The following FAM20C variants were observed in gnomAD, a reference collection of about 807,000 sequenced individuals.
FAM20C encodes the protein extracellular serine/threonine protein kinase FAM20C.
In FAM20C, 40 loss-of-function variants were observed where a neutral mutation model predicts 51.5. The ratio of observed to expected loss-of-function variants is 0.78; its 90% CI spans 0.60 to 1.01. The LOEUF (loss-of-function observed/expected upper bound fraction) is 1.01, where lower values mean the gene tolerates loss of function less well. FAM20C is among the 50% of genes least tolerant of loss of function. FAM20C has a pLI of 0.00. For synonymous variants in FAM20C, 406 were observed against 380.6 expected (o/e 1.07, Z -0.78); for missense variants, 861 against 844.7 (o/e 1.02, Z -0.24).
chr7:215,071 C>T (rs1434188282), intron 3 of FAM20C, among the ~76,000 whole-genome samples: 5 of 152,006 alleles, frequency 3.3e-5, no homozygotes, highest in Non-Finnish European at 5.9e-5. Flanking sequence ...CTATGCTCCA[C>T]GGGAGACAGG....
intron 2 of FAM20C, among the ~76,000 whole-genome samples, chr7:208,006 G>A (rs551075738): frequency 6.6e-5 from 10 of 152,350 alleles, no homozygotes; most frequent in East Asian, 3.9e-4. Context: ...CTTGCGGAGC[G>A]GCGGGAGCTG....
At position 255,952 on chromosome 7, in the gene FAM20C, G is replaced by GC; in HGVS notation, c.1179dup (p.Asp394ArgfsTer31). On this transcript the variant is annotated frameshift_variant, in exon 6 of 10. Coordinates refer to ENST00000313766, the MANE Select transcript of FAM20C (RefSeq NM_020223.4). LOFTEE classifies it high-confidence loss of function. ...TCGAGGGCTCGCTGGCGGCCTTCCT[G>GC]CCCGACCTGTCCCTGGCCAAGAGGA... 6.5e-7 allele frequency: 1 copy of GC among 1,536,242 alleles called. No homozygotes were observed. Among genetic ancestry groups the GC allele is most frequent in the Non-Finnish European group, 8.7e-7 (1 of 1,146,842 alleles).
intron 2 of FAM20C, among the ~76,000 whole-genome samples, chr7:208,109 G>A (rs1786521951): frequency 6.6e-6 from 1 of 152,206 alleles, no homozygotes; most frequent in South Asian, 2.1e-4. Flanking sequence ...GGCGGGAGGT[G>A]CCACTCCCCG....
At chr7:204,794 T>G (rs1191566155) in intron 2 of FAM20C, among the ~76,000 whole-genome samples, 1 of 152,136 alleles carries the variant, frequency 6.6e-6, no homozygotes, top group Admixed American at 6.5e-5. Flanking sequence ...AATGTGGCAC[T>G]CGTGTGGCCT....
chr7:201,185 C>A (rs2115050837), intron 2 of FAM20C, among the ~76,000 whole-genome samples: 1 of 152,312 alleles, frequency 6.6e-6, no homozygotes, highest in Middle Eastern at 3.4e-3. Context: ...AATAACTGAC[C>A]CTTGAGGCCA....
chr7:232,450 A>G (rs1787730376), intron 3 of FAM20C, among the ~76,000 whole-genome samples: 1 of 152,200 alleles, frequency 6.6e-6, no homozygotes, highest in African/African-American at 2.4e-5. Flanking sequence ...TGCACTGGCC[A>G]TCTCCGTGAC....
chr7:205,156 C>G (rs113557362), intron 2 of FAM20C, among the ~76,000 whole-genome samples: 45 of 152,308 alleles, frequency 3.0e-4, no homozygotes, highest in African/African-American at 1.0e-3. Context: ...CCATTGTTTT[C>G]TAGAAACAGG....
chr7:258,709 C>G lies in FAM20C; in HGVS notation c.1505+4C>G, dbSNP rs373089642. The G allele has an allele frequency of 6.5e-7, 1 of 1,534,510 alleles. No homozygotes were observed. The highest frequency in any genetic ancestry group is 2.4e-5 in the East Asian group (1 of 40,894). ...TGCCGCTACAGCAGTGCTGCAGGTA[C>G]AGCCCCTGCCGGAGCCGGCTCCAGC... On this transcript the variant is annotated splice_donor_region_variant and intron_variant, in intron 9 of 9. Transcript: ENST00000313766.
At chr7:216,669 C>G (rs924434268) in intron 3 of FAM20C, among the ~76,000 whole-genome samples, 3 of 112,390 alleles carry the variant, frequency 2.7e-5, no homozygotes, top group Non-Finnish European at 5.6e-5. Flanking sequence ...GTGTGAGAGA[C>G]AGAGTGTGTG....
In FAM20C at chr7:193,289, GC is replaced by G; in HGVS notation, c.93del (p.Arg32GlyfsTer98). 1 of 1,427,476 alleles carries G rather than the reference GC, an allele frequency of 7.0e-7. No individual in the cohort carries two copies. The highest frequency in any genetic ancestry group is 3.3e-5 in the East Asian group (1 of 30,584). The allele number at this position is 1,427,476 out of a possible 1,614,324, so 88.4% of individuals were successfully genotyped here. ...CALHIALDLL[P>X]RLERRGARPS... ...CGCTGCACATCGCCCTGGACCTGCT[GC>G]CCAGGCTGGAGCGACGCGGCGCGCG... On this transcript the variant is annotated frameshift_variant, in exon 1 of 10. Transcript: ENST00000313766. LOFTEE classifies it high-confidence loss of function.
intron 3 of FAM20C, among the ~76,000 whole-genome samples, chr7:245,030 G>C (rs896706142): frequency 6.6e-6 from 1 of 152,222 alleles, no homozygotes; most frequent in Non-Finnish European, 1.5e-5. Context: ...AAGGGACGTG[G>C]ACATGACATA....
intron 3 of FAM20C, chr7:245,850 A>AGGG (rs1254463276): frequency 2.6e-5 from 4 of 152,552 alleles, no homozygotes; most frequent in African/African-American, 9.6e-5. Context: ...GTGGAGGGAC[A>AGGG]GGGCGGTGCC....
intron 3 of FAM20C, among the ~76,000 whole-genome samples, chr7:220,437 T>C (rs551560547): frequency 8.6e-5 from 13 of 151,850 alleles, no homozygotes; most frequent in Non-Finnish European, 1.8e-4. Flanking sequence ...CGTGAACAAA[T>C]ACGCAGGAAC....
intron 2 of FAM20C, among the ~76,000 whole-genome samples, chr7:200,590 T>C (rs1786083917): frequency 6.6e-6 from 1 of 152,212 alleles, no homozygotes; most frequent in African/African-American, 2.4e-5. Context: ...CCTGCCGACT[T>C]TCCTTCTGAT....
intron 2 of FAM20C, among the ~76,000 whole-genome samples, chr7:205,073 A>C (rs558248288): frequency 1.3e-5 from 2 of 152,330 alleles, no homozygotes; most frequent in South Asian, 4.1e-4. Flanking sequence ...AGTTTCTGGC[A>C]GGTCACATGA....
At chr7:258,213 A>C (rs867591742) in intron 8 of FAM20C, among the ~76,000 whole-genome samples, 381 of 37,824 alleles carry the variant, frequency 0.01, 2 homozygotes, top group African/African-American at 0.02. Flanking sequence ...GGACCCACTG[A>C]CTGGGGTGCT....
At position 202,706 on chromosome 7, in the gene FAM20C, G is replaced by C. The variant is rs141730953; in HGVS notation, c.785-6192G>C. ...ATCTTCCCGTGTGCATAGCGAGGAC[G>C]GGTGGCTGCTGGGTGGGATTGTACT... is the stretch of plus-strand genomic sequence containing the variant. On this transcript the variant is annotated intron_variant, in intron 2 of 9. Coordinates refer to ENST00000313766, the MANE Select transcript of FAM20C (RefSeq NM_020223.4). 9.4e-3 allele frequency among the ~76,000 whole-genome samples: 1,405 copies of C among 149,428 alleles called. 8 individuals carry two copies. Among genetic ancestry groups the C allele is most frequent in the Non-Finnish European group, 0.016 (1,084 of 67,006 alleles).
Position 193,440 on chromosome 7 carries a change from G to A in FAM20C, c.241G>A (p.Gly81Ser). 2 of 1,443,772 alleles carry A rather than the reference G, an allele frequency of 1.4e-6. No homozygotes were observed. The highest frequency in any genetic ancestry group is 1.8e-6 in the Non-Finnish European group (2 of 1,089,290). 89.4% of individuals were successfully genotyped at this position (1,443,772 alleles called of 1,614,324 possible). A position where few individuals can be genotyped will look rare whatever the true frequency, so the allele number is the denominator to read the frequency against. The change falls in exon 1 of 10, where the codon GGC becomes AGC. Residue 81 changes from glycine to serine, a missense_variant. By Grantham distance (56) the Gly-to-Ser change is moderately conservative. Around this residue, in one of 3 missense-constraint regions of FAM20C, gnomAD observed 561 missense variants for 499.8 expected, o/e 1.12. Transcript: ENST00000313766. ...PAASSAAGDA[G>S]WPNKHTLRIL... ...CGCCTCCTCCGCCGCCGGCGACGCG[G>A]GCTGGCCCAACAAGCACACGCTCCG...
intron 9 of FAM20C, 108 bp downstream of exon 9, chr7:258,813 G>C (rs376140486): frequency 1.8e-6 from 2 of 1,107,078 alleles, no homozygotes; most frequent in Non-Finnish European, 2.5e-6. Context: ...ACATGGGAGA[G>C]AAAAGGCCCC....
Sources: allele counts gnomAD v4.1 joint callset (sites outside exome capture counted in the v4.1 genomes callset), GRCh38; gene constraint gnomAD v4.1.1; regional missense constraint gnomAD v4.1.1; transcripts MANE v1.5; gene names NCBI Gene and HGNC (gene_info 2026-07-23, HGNC 2026-07-21).